Variants in THSD7A observed in about 807,000 individuals in gnomAD.
THSD7A encodes the protein thrombospondin type 1 domain containing 7A, also known as thrombospondin type-1 domain-containing protein 7A.
Under a neutral mutation model 231.3 loss-of-function variants are expected in THSD7A, and 96 were observed. The observed-to-expected ratio is 0.41, with a 90% CI of 0.35 to 0.49. THSD7A has a LOEUF of 0.49. Ranked by LOEUF, THSD7A falls within the 20% of genes least tolerant of loss-of-function variation. The probability of loss-of-function intolerance (pLI) is 0.05; values close to 1 mark genes in which losing one functional copy is unlikely to be tolerated. For synonymous variants in THSD7A, 940 were observed against 743.3 expected (o/e 1.26, Z -4.30); for missense variants, 2,290 against 2,070.2 (o/e 1.11, Z -2.06).
chr7:11,618,526 G>A (rs939417765), intron 2 of THSD7A, among the ~76,000 whole-genome samples: 18 of 152,074 alleles, frequency 1.2e-4, no homozygotes, highest in Non-Finnish European at 2.4e-4. Context: ...ATAGGGCGGG[G>A]CGCGGTGGCT....
chr7:11,418,813 C>G (rs575947285), intron 16 of THSD7A, among the ~76,000 whole-genome samples: 3 of 151,992 alleles, frequency 2.0e-5, no homozygotes, highest in African/African-American at 7.3e-5. Context: ...AAACAAATAC[C>G]TACCTGTGCA....
At position 11,684,781 on chromosome 7, in the gene THSD7A, T is replaced by C. The variant is rs150436363; in HGVS notation, c.191-47820A>G. Among the ~76,000 whole-genome samples, 84 of 152,050 alleles carry C rather than the reference T, an allele frequency of 5.5e-4. 1 individual carries two copies. In the East Asian group the frequency reaches 0.014, roughly 25 times the overall value. Reference sequence around the variant, plus strand: ...CATGGATTGGAAGAATCAATATTGTTAAAATATCTATACTGTTCAAAGCAA... The same window carrying C: ...CATGGATTGGAAGAATCAATATTGTCAAAATATCTATACTGTTCAAAGCAA... On this transcript the variant is annotated intron_variant, in intron 1 of 27. Coordinates refer to ENST00000423059, the MANE Select transcript of THSD7A (RefSeq NM_015204.3).
intron 1 of THSD7A, among the ~76,000 whole-genome samples, chr7:11,669,907 T>A (rs957976172): frequency 6.6e-6 from 1 of 152,086 alleles, no homozygotes; most frequent in Non-Finnish European, 1.5e-5. Context: ...TGAAGCCATG[T>A]GAACAATTTT....
chr7:11,443,112 C>T (rs1280764517), intron 13 of THSD7A, among the ~76,000 whole-genome samples: 1 of 152,054 alleles, frequency 6.6e-6, no homozygotes, highest in Non-Finnish European at 1.5e-5. Context: ...AAGTGGCTTG[C>T]TGATGCTCTC....
chr7:11,629,645 C>A (rs1428053436), intron 2 of THSD7A, among the ~76,000 whole-genome samples: 1 of 152,102 alleles, frequency 6.6e-6, no homozygotes, highest in African/African-American at 2.4e-5. Context: ...CCTCAGGAAC[C>A]ATATAGCTCA....
At chr7:11,399,449 G>A (rs2115351771) in intron 23 of THSD7A, among the ~76,000 whole-genome samples, 1 of 129,912 alleles carries the variant, frequency 7.7e-6, no homozygotes, top group East Asian at 2.1e-4. Context: ...ACAATCTATT[G>A]GTTTTGTTGA....
In THSD7A at chr7:11,374,164, G is replaced by C. The variant is rs910164767; in HGVS notation, c.*1630C>G. 6.6e-6 allele frequency: 1 copy of C among 152,080 alleles called. No individual in the cohort carries two copies. The highest frequency in any genetic ancestry group is 2.4e-5 in the African/African-American group (1 of 41,432). The allele number at this position is 152,080 out of a possible 1,614,324, so 9.4% of individuals were successfully genotyped here. ...CAGCAAAATATGACCTGCAAAGGTG[G>C]CCTACTGGCTGTTTTTGTAAGGGAA... On this transcript the variant is annotated 3_prime_UTR_variant, in exon 28 of 28. Transcript: ENST00000423059.
intron 2 of THSD7A, among the ~76,000 whole-genome samples, chr7:11,593,709 T>A (rs904999391): frequency 6.6e-6 from 1 of 152,134 alleles, no homozygotes; most frequent in African/African-American, 2.4e-5. Flanking sequence ...TTTCTAAGAG[T>A]TGTTAAACCA....
At chr7:11,685,073 A>T (rs1779988813) in intron 1 of THSD7A, among the ~76,000 whole-genome samples, 1 of 151,902 alleles carries the variant, frequency 6.6e-6, no homozygotes, top group Non-Finnish European at 1.5e-5. Context: ...AAATTTGCAC[A>T]CCTCCAACTA....
intron 4 of THSD7A, among the ~76,000 whole-genome samples, chr7:11,571,303 A>G (rs985421726): frequency 6.6e-6 from 1 of 152,286 alleles, no homozygotes; most frequent in Non-Finnish European, 1.5e-5. Context: ...TGTTATTCTG[A>G]GGAACATGAT....
intron 4 of THSD7A, among the ~76,000 whole-genome samples, chr7:11,584,739 T>G (rs929302): frequency 0.31 from 47,676 of 151,722 alleles, 7,414 homozygotes; most frequent in African/African-American, 0.31. Flanking sequence ...TAAAAACTGT[T>G]CCCTTAAATT....
At chr7:11,791,429 T>C (rs60390705) in intron 1 of THSD7A, among the ~76,000 whole-genome samples, 7,338 of 152,044 alleles carry the variant, frequency 0.048, 241 homozygotes, top group East Asian at 0.15. Flanking sequence ...TTCTGGAGCA[T>C]AAGCAGTAAG....
chr7:11,640,112 T>G (rs1054678462), intron 1 of THSD7A, among the ~76,000 whole-genome samples: 12 of 152,196 alleles, frequency 7.9e-5, no homozygotes, highest in Non-Finnish European at 1.6e-4. Flanking sequence ...TTAGTCACAC[T>G]TTCGGTTAGT....
intron 1 of THSD7A, among the ~76,000 whole-genome samples, chr7:11,734,935 G>T (rs1012749540): frequency 1.3e-5 from 2 of 151,888 alleles, no homozygotes; most frequent in East Asian, 3.9e-4. Flanking sequence ...TAGAGGACCA[G>T]ATTTGATTAT....
intron 6 of THSD7A, among the ~76,000 whole-genome samples, chr7:11,517,078 A>T (rs975389215): frequency 1.3e-5 from 2 of 152,084 alleles, no homozygotes; most frequent in Non-Finnish European, 2.9e-5. Context: ...CTTCCATATC[A>T]TTATTTTATT....
chr7:11,813,308 CT>C lies in THSD7A; in HGVS notation c.190+18448del, dbSNP rs1784585035. ...CTTATGAATTAGGTCCCCTAAAACA[CT>C]TTCCTATATTTTTAATTACTTATCT... is the stretch of plus-strand genomic sequence containing the variant. On this transcript the variant is annotated intron_variant, in intron 1 of 27. Coordinates refer to ENST00000423059, the MANE Select transcript of THSD7A (RefSeq NM_015204.3). 8.5e-5 allele frequency among the ~76,000 whole-genome samples: 13 copies of C among 152,278 alleles called. No homozygotes were observed. In the South Asian group the frequency reaches 2.5e-3, roughly 29 times the overall value.
chr7:11,507,837 C>T (rs182745851), intron 6 of THSD7A, among the ~76,000 whole-genome samples: 53 of 152,222 alleles, frequency 3.5e-4, no homozygotes, highest in Non-Finnish European at 4.4e-5. Context: ...AAAAGCTTAA[C>T]ATGTAAAATA....
chr7:11,673,298 G>T (rs1313832733), intron 1 of THSD7A, among the ~76,000 whole-genome samples: 1 of 152,112 alleles, frequency 6.6e-6, no homozygotes, highest in Non-Finnish European at 1.5e-5. Flanking sequence ...TGGACATTTA[G>T]ATTGGCAGGG....
chr7:11,821,485 C>T (rs954676471), intron 1 of THSD7A, among the ~76,000 whole-genome samples: 3 of 151,006 alleles, frequency 2.0e-5, no homozygotes, highest in Admixed American at 6.6e-5. Flanking sequence ...AAAGAGAAAA[C>T]AGAACATGTA....
Sources: allele counts gnomAD v4.1 joint callset (sites outside exome capture counted in the v4.1 genomes callset), GRCh38; gene constraint gnomAD v4.1.1; transcripts MANE v1.5; gene names NCBI Gene and HGNC (gene_info 2026-07-23, HGNC 2026-07-21).